TIMMDC1: variants seen among roughly 807,000 people sequenced by gnomAD.
TIMMDC1 encodes the protein translocase of inner mitochondrial membrane domain containing 1.
Under a neutral mutation model 32.6 loss-of-function variants are expected in TIMMDC1, and 25 were observed. The ratio of observed to expected loss-of-function variants is 0.77; its 90% confidence interval spans 0.56 to 1.07. TIMMDC1 has a LOEUF of 1.07. Ranked by LOEUF, TIMMDC1 falls within the 50% of genes least tolerant of loss-of-function variation. TIMMDC1 has a pLI of 0.00. For synonymous variants in TIMMDC1, 130 were observed against 127.6 expected (o/e 1.02, Z -0.13); for missense variants, 329 against 349.2 (o/e 0.94, Z 0.46).
intron 4 of TIMMDC1, among the ~76,000 whole-genome samples, chr3:119,508,640 A>G (rs143756257): frequency 1.2e-4 from 18 of 152,344 alleles, no homozygotes; most frequent in Admixed American, 6.5e-4. Flanking sequence ...TCAGGCCTAC[A>G]TGAGGGAGCT....
At chr3:119,520,991 A>G (rs1253986345) in intron 6 of TIMMDC1, among the ~76,000 whole-genome samples, 2 of 152,178 alleles carry the variant, frequency 1.3e-5, no homozygotes, top group East Asian at 1.9e-4. Context: ...AAACCATATG[A>G]TCATCTCAGT....
chr3:119,524,939 A>G lies in TIMMDC1; in HGVS notation c.*1183A>G, dbSNP rs916885538. On this transcript the variant is annotated 3_prime_UTR_variant, in exon 7 of 7. Coordinates refer to ENST00000494664, the MANE Select transcript of TIMMDC1 (RefSeq NM_016589.4). ...ACACTGTAAACAACGATCTCATTTTAAATGAGAACTTTCTCATAAATATTT... is the reference window on the plus strand; with the variant it reads ...ACACTGTAAACAACGATCTCATTTTGAATGAGAACTTTCTCATAAATATTT... The G allele has an allele frequency of 6.6e-6, 1 of 152,222 alleles. No individual in the cohort carries two copies. The highest frequency in any genetic ancestry group is 2.4e-5 in the African/African-American group (1 of 41,454). The allele number at this position is 152,222 out of a possible 1,614,324, so 9.4% of individuals were successfully genotyped here.
At position 119,503,005 on chromosome 3, in the gene TIMMDC1, C is replaced by A. The variant is rs904186913; in HGVS notation, c.361-527C>A. Among the ~76,000 whole-genome samples, 3 of 152,154 alleles carry A rather than the reference C, an allele frequency of 2.0e-5. No individual in the cohort carries two copies. The East Asian group carries it at 5.8e-4, about 29-fold the overall frequency. Reference sequence around the variant, plus strand: ...TGTTTTCCCTTCCCCCCTCTATTTACATATTTATTTATCTATTTATAATTT... The same window carrying A: ...TGTTTTCCCTTCCCCCCTCTATTTAAATATTTATTTATCTATTTATAATTT... On this transcript the variant is annotated intron_variant, in intron 2 of 6. Transcript: ENST00000494664.
intron 5 of TIMMDC1, among the ~76,000 whole-genome samples, chr3:119,516,216 A>T (rs1304656706): frequency 6.6e-6 from 1 of 152,192 alleles, no homozygotes; most frequent in Non-Finnish European, 1.5e-5. Context: ...TATCTTGAGA[A>T]ATGAAACTAT....
At position 119,523,632 on chromosome 3, in the gene TIMMDC1, A is replaced by C; in HGVS notation, c.734A>C (p.His245Pro). 6.2e-7 allele frequency: 1 copy of C among 1,610,888 alleles called. No homozygotes were observed. The highest frequency in any genetic ancestry group is 8.5e-7 in the Non-Finnish European group (1 of 1,178,760). The change falls in exon 7 of 7, where the codon CAC becomes CCC. Residue 245 changes from histidine to proline, a missense_variant. By Grantham distance (77) the His-to-Pro change is moderately conservative (BLOSUM62 -2). Coordinates refer to ENST00000494664, the MANE Select transcript of TIMMDC1 (RefSeq NM_016589.4). ...AAAGGCAGACTACAAGTTACTGAGC[A>C]CCTCCCTGAGAAAATTGAAAGTAGT... ...EWKGRLQVTE[H>P]LPEKIESSLQ... is the part of the protein sequence containing the mutation.
chr3:119,512,160 G>A (rs951308167), intron 4 of TIMMDC1, among the ~76,000 whole-genome samples: 2 of 152,182 alleles, frequency 1.3e-5, no homozygotes, highest in Admixed American at 1.3e-4. Context: ...ACAAAAATTT[G>A]TGGTACCTCC....
chr3:119,502,935 A>C (rs60438463), intron 2 of TIMMDC1, among the ~76,000 whole-genome samples: 2,026 of 152,296 alleles, frequency 0.013, 41 homozygotes, highest in South Asian at 0.071. Context: ...TCTAAAGTCT[A>C]TCATTCTTTC....
At chr3:119,520,543 T>C (rs542415981) in intron 6 of TIMMDC1, among the ~76,000 whole-genome samples, 2 of 152,248 alleles carry the variant, frequency 1.3e-5, no homozygotes, top group South Asian at 2.1e-4. Flanking sequence ...CAAGAAGTAA[T>C]AGAAAACTTG....
chr3:119,515,831 A>G (rs1471811107), intron 5 of TIMMDC1, among the ~76,000 whole-genome samples: 2 of 152,216 alleles, frequency 1.3e-5, no homozygotes, highest in Admixed American at 6.5e-5. Flanking sequence ...TTGATAAGCT[A>G]GTTCTGTCAG....
At position 119,524,608 on chromosome 3, in the gene TIMMDC1, C is replaced by T. The variant is rs1218258307; in HGVS notation, c.*852C>T. The T allele has an allele frequency of 2.0e-5, 3 of 152,202 alleles. No individual in the cohort carries two copies. Among genetic ancestry groups the T allele is most frequent in the Non-Finnish European group, 2.9e-5 (2 of 68,030 alleles). The allele number at this position is 152,202 out of a possible 1,614,324, so 9.4% of individuals were successfully genotyped here. ...TTTAAATCCCAGCCATGTGGCTTAG[C>T]TGCCATGAGATGTGCATTTGAGAAA... On this transcript the variant is annotated 3_prime_UTR_variant, in exon 7 of 7. Transcript: ENST00000494664.
At chr3:119,511,351 T>C (rs1446222300) in intron 4 of TIMMDC1, among the ~76,000 whole-genome samples, 1 of 151,920 alleles carries the variant, frequency 6.6e-6, no homozygotes, top group East Asian at 1.9e-4. Context: ...GGCATGCACC[T>C]GTAGTCCCAG....
At chr3:119,516,660 A>C (rs2081986715) in intron 5 of TIMMDC1, among the ~76,000 whole-genome samples, 1 of 152,196 alleles carries the variant, frequency 6.6e-6, no homozygotes, top group African/African-American at 2.4e-5. Context: ...TATCTAAATC[A>C]GTTTCTCAAT....
rs150137132 is a variant in TIMMDC1 at position 119,498,877 on chromosome 3, C to T, written c.144C>T (p.Pro48=). ...RQKRLPYVPE[P]YYPESGWDRL... is the part of the protein sequence containing the mutation. ...AGCGGCTTCCCTACGTCCCAGAGCC[C>T]TATTACCCGGAATCTGGATGGGACC... Residue 48 remains proline, a synonymous_variant, in exon 1 of 7, where the codon CCC becomes CCT. Coordinates refer to ENST00000494664, the MANE Select transcript of TIMMDC1 (RefSeq NM_016589.4). 6.2e-7 allele frequency: 1 copy of T among 1,613,882 alleles called. No individual in the cohort carries two copies. Among genetic ancestry groups the T allele is most frequent in the African/African-American group, 1.3e-5 (1 of 74,900 alleles).
intron 2 of TIMMDC1, 72 bp downstream of exon 2, chr3:119,500,932 T>A: frequency 6.7e-7 from 1 of 1,485,428 alleles, no homozygotes. Context: ...AATCATTCAA[T>A]TAGGTTGTGG....
intron 6 of TIMMDC1, among the ~76,000 whole-genome samples, chr3:119,519,830 T>G (rs2082012995): frequency 6.6e-6 from 1 of 152,170 alleles, no homozygotes; most frequent in Admixed American, 6.5e-5. Context: ...TATCTTGAAG[T>G]GTTCTTCAGG....
chr3:119,516,504 A>G (rs2081986130), intron 5 of TIMMDC1, among the ~76,000 whole-genome samples: 1 of 152,218 alleles, frequency 6.6e-6, no homozygotes, highest in Non-Finnish European at 1.5e-5. Context: ...GTCAGTGAAC[A>G]TTTATGTTGC....
rs537243285 is a variant in TIMMDC1 at position 119,503,810 on chromosome 3, A to G, written c.450-144A>G. 38 of 796,258 alleles carry G rather than the reference A, an allele frequency of 4.8e-5. No homozygotes were observed. In the South Asian group the frequency reaches 6.4e-4, roughly 13 times the overall value. 49.3% of individuals were successfully genotyped at this position (796,258 alleles called of 1,614,324 possible). A position where few individuals can be genotyped will look rare whatever the true frequency, so the allele number is the denominator to read the frequency against. ...GTTATGGTTTTACAACCATGTCTGG[A>G]ACACATTGAAGGGGCCTAGGCTAGG... is the stretch of plus-strand genomic sequence containing the variant. On this transcript the variant is annotated intron_variant, in intron 3 of 6. Transcript: ENST00000494664.
Position 119,523,627 on chromosome 3 carries a change from T to C in TIMMDC1, c.729T>C (p.Thr243=). 1 of 1,609,356 alleles carries C rather than the reference T, an allele frequency of 6.2e-7. No homozygotes were observed. The highest frequency in any genetic ancestry group is 1.1e-5 in the South Asian group (1 of 90,238). The change falls in exon 7 of 7, where the codon ACT becomes ACC. Residue 243 remains threonine (T), a synonymous_variant. Coordinates refer to ENST00000494664, the MANE Select transcript of TIMMDC1 (RefSeq NM_016589.4). The stretch of plus-strand genomic sequence containing the variant: ...ACAGGAAAGGCAGACTACAAGTTAC[T>C]GAGCACCTCCCTGAGAAAATTGAAA... The part of the protein sequence containing the change: ...LEEWKGRLQV[T]EHLPEKIESS...
intron 6 of TIMMDC1, 34 bp from the exon 7 acceptor site, chr3:119,523,572 C>T (rs1161570647): frequency 1.3e-6 from 2 of 1,528,146 alleles, no homozygotes; most frequent in South Asian, 1.3e-5. Context: ...AGAAATGGAG[C>T]AGTATTTGAT....
Sources: gnomAD v4.1 joint callset for allele counts (sites outside exome capture counted in the v4.1 genomes callset) on GRCh38, gnomAD v4.1.1 for gene constraint, MANE v1.5 for transcripts, NCBI Gene and HGNC (gene_info 2026-07-23, HGNC 2026-07-21) for gene names.